Variants in VPS11 observed in about 807,000 individuals in gnomAD.
VPS11 encodes VPS11 core subunit of CORVET and HOPS complexes, also known as vacuolar protein sorting-associated protein 11 homolog.
In VPS11, 51 loss-of-function variants were observed where a neutral mutation model predicts 106.8. That is an observed-to-expected ratio of 0.48 (90% CI 0.38 to 0.60). The LOEUF (loss-of-function observed/expected upper bound fraction) is 0.60, where lower values mean the gene tolerates loss of function less well. Among genes scored for constraint, VPS11 ranks in the 20% least tolerant of loss-of-function variants. The probability of loss-of-function intolerance (pLI) is 0.00; values close to 1 mark genes in which losing one functional copy is unlikely to be tolerated. For missense variants in VPS11, 950 were observed against 1,190.0 expected (o/e 0.80, Z 2.97); for synonymous variants, 453 against 458.7 (o/e 0.99, Z 0.16).
At chr11:119,080,974 C>A in intron 14 of VPS11, 118 bp from the exon 15 acceptor site, 2 of 843,060 alleles carry the variant, frequency 2.4e-6, no homozygotes, top group African/African-American at 1.7e-5. Flanking sequence ...CAGGGCAGGG[C>A]CTTCAGGGGC....
At chr11:119,078,133 C>A in intron 10 of VPS11, 40 bp from the exon 11 acceptor site, 1 of 1,610,314 alleles carries the variant, frequency 6.2e-7, no homozygotes, top group Non-Finnish European at 8.5e-7. Context: ...TATATCACGC[C>A]CACTCATTCA....
Position 119,078,870 on chromosome 11 carries a change from G to A in VPS11, c.2139G>A (p.Gly713=). The change falls in exon 13 of 16, where the codon GGG becomes GGA. Residue 713 remains glycine, a synonymous_variant. Coordinates refer to ENST00000621676, the MANE Select transcript of VPS11 (RefSeq NM_021729.6). The part of the protein sequence containing the change: ...RQVISVCERH[G]EQDPSLWEQA... ...TCATCAGCGTGTGTGAGCGCCATGG[G>A]GAGCAGGACCCCTCCTTGTGGGAGC... The A allele has an allele frequency of 6.2e-7, 1 of 1,614,024 alleles. No homozygotes were observed. The highest frequency in any genetic ancestry group is 8.5e-7 in the Non-Finnish European group (1 of 1,179,896).
intron 4 of VPS11, 61 bp from the exon 5 acceptor site, chr11:119,071,535 T>C: frequency 1.9e-6 from 3 of 1,582,898 alleles, no homozygotes; most frequent in Non-Finnish European, 2.6e-6. Flanking sequence ...GGAATACCTT[T>C]GTGAAGGCTT....
In VPS11 at chr11:119,078,620, G is replaced by A. The variant is rs781800245; in HGVS notation, c.1979G>A (p.Cys660Tyr). ...AISLLKSGRFCDVFDKALVLC... is the reference protein window; with the variant it reads ...AISLLKSGRFYDVFDKALVLC... ...TCCCTGCTGAAGAGTGGTCGCTTCT[G>A]CGACGTCTTTGACAAGGCCCTGGTC... Residue 660 changes from cysteine to tyrosine, a missense_variant, in exon 12 of 16, where the codon TGC becomes TAC. This residue lies in a region of VPS11 where 453 missense variants were observed against 514.6 expected (regional missense o/e 0.88). Coordinates refer to ENST00000621676, the MANE Select transcript of VPS11 (RefSeq NM_021729.6). 2 of 1,613,906 alleles carry A rather than the reference G, an allele frequency of 1.2e-6. No individual in the cohort carries two copies. Among genetic ancestry groups the A allele is most frequent in the East Asian group, 2.2e-5 (1 of 44,876 alleles).
chr11:119,076,419 A>G (rs966351779), intron 7 of VPS11, among the ~76,000 whole-genome samples: 3 of 149,400 alleles, frequency 2.0e-5, no homozygotes, highest in Non-Finnish European at 4.5e-5. Flanking sequence ...CCAGCTACTC[A>G]GGAGGCTGAG....
intron 4 of VPS11, among the ~76,000 whole-genome samples, chr11:119,071,230 A>G (rs557124939): frequency 8.5e-5 from 13 of 152,048 alleles, no homozygotes; most frequent in South Asian, 2.1e-4. Context: ...GCACCGGCCT[A>G]TTTTCTAACT....
chr11:119,081,124 T>G lies in VPS11; in HGVS notation c.2471T>G (p.Ile824Ser). The G allele has an allele frequency of 6.2e-7, 1 of 1,614,056 alleles. No individual in the cohort carries two copies. The highest frequency in any genetic ancestry group is 8.5e-7 in the Non-Finnish European group (1 of 1,179,902). The change falls in exon 15 of 16, where the codon ATC (isoleucine) becomes AGC (serine). Residue 824 changes from isoleucine to serine, a missense_variant. Transcript: ENST00000621676. ...ATTTTCCAAAAGACCAAGTGCAGCA[T>G]CTGTAACAGTGCCTTGGAGTTGCCC... ...PKIFQKTKCS[I>S]CNSALELPSV... is the part of the protein sequence containing the mutation.
chr11:119,078,168 C>G lies in VPS11; in HGVS notation c.1762-5C>G. 3.1e-6 allele frequency: 5 copies of G among 1,612,726 alleles called. No individual in the cohort carries two copies. The highest frequency in any genetic ancestry group is 4.2e-6 in the Non-Finnish European group (5 of 1,179,848). Reference sequence around the variant, plus strand: ...AGCCTCCTTTTTCCTCTCTTGCCATCCTAGGCCAACTCTGAGGAGTTCATC... The same window carrying G: ...AGCCTCCTTTTTCCTCTCTTGCCATGCTAGGCCAACTCTGAGGAGTTCATC... On this transcript the variant is annotated splice_region_variant and splice_polypyrimidine_tract_variant and intron_variant, in intron 10 of 15. Transcript: ENST00000621676.
intron 15 of VPS11, 43 bp from the exon 16 acceptor site, chr11:119,081,416 C>CTTTGA: frequency 1.9e-6 from 3 of 1,613,212 alleles, no homozygotes; most frequent in Non-Finnish European, 2.5e-6. Context: ...GAAACAAGCA[C>CTTTGA]TTTGATTCTG....
intron 4 of VPS11, 87 bp downstream of exon 4, chr11:119,070,484 G>A: frequency 3.0e-6 from 4 of 1,332,348 alleles, no homozygotes; most frequent in Non-Finnish European, 4.0e-6. Flanking sequence ...GACAGGAAAG[G>A]TGGGAGTGTT....
Position 119,067,934 on chromosome 11 carries a change from C to T in VPS11, c.111C>T (p.Ser37=), listed in dbSNP as rs2133639775. 4.6e-5 allele frequency: 74 copies of T among 1,612,150 alleles called. 1 individual carries two copies. In the Admixed American group the frequency reaches 7.9e-4, roughly 17 times the overall value. The change falls in exon 1 of 16, where the codon TCC becomes TCT. Residue 37 remains serine, a synonymous_variant. Coordinates refer to ENST00000621676, the MANE Select transcript of VPS11 (RefSeq NM_021729.6). ...CCGGGGCCACACCTGCTTCTGGATCCGCTGCTTCCAAGTTCCTTTGCCTCC... is the reference window on the plus strand; with the variant it reads ...CCGGGGCCACACCTGCTTCTGGATCTGCTGCTTCCAAGTTCCTTTGCCTCC... ...AAPGATPASG[S]AASKFLCLPP...
chr11:119,071,627 G>T lies in VPS11; in HGVS notation c.668G>T (p.Arg223Leu), dbSNP rs200201798. The T allele has an allele frequency of 1.2e-6, 2 of 1,613,954 alleles. No individual in the cohort carries two copies. The highest frequency in any genetic ancestry group is 1.7e-5 in the Admixed American group (1 of 60,006). ...ATAGTTTCTGGAAAAGACTACCCTC[G>T]CGTGGAGTTGGACACCCATGGTTGT... ...SYIVSGKDYP[R>L]VELDTHGCGL... is the part of the protein sequence containing the mutation. The change falls in exon 5 of 16, where the codon CGC (arginine) becomes CTC (leucine). Residue 223 changes from arginine (R) to leucine (L), a missense_variant. Around this residue, in one of 3 missense-constraint regions of VPS11, gnomAD observed 435 missense variants for 630.2 expected, o/e 0.69. Transcript: ENST00000621676.
At chr11:119,069,929 C>T (rs1356022382) in intron 3 of VPS11, among the ~76,000 whole-genome samples, 2 of 151,768 alleles carry the variant, frequency 1.3e-5, no homozygotes, top group Non-Finnish European at 2.9e-5. Flanking sequence ...ACCTGGGAGG[C>T]GGAGTTTGCA....
chr11:119,073,245 T>G lies in VPS11; in HGVS notation c.932T>G (p.Leu311Arg). The G allele has an allele frequency of 6.2e-7, 1 of 1,613,904 alleles. No individual in the cohort carries two copies. ...RDSQSSDKQI[L>R]NIYDLCNKFI... ...TCACAGAGCTCCGACAAGCAGATTC[T>G]AAACATCTATGACCTGTGCAACAAG... Residue 311 changes from leucine (L) to arginine (R), a missense_variant, in exon 6 of 16, where the codon CTA (leucine) becomes CGA (arginine). Around this residue, in one of 3 missense-constraint regions of VPS11, gnomAD observed 435 missense variants for 630.2 expected, o/e 0.69. Coordinates refer to ENST00000621676, the MANE Select transcript of VPS11 (RefSeq NM_021729.6).
intron 5 of VPS11, chr11:119,072,165 C>T: frequency 3.7e-6 from 1 of 270,284 alleles, no homozygotes; most frequent in South Asian, 4.2e-5. Flanking sequence ...GAGGTTTCAC[C>T]ATGTTGGCCA....
chr11:119,068,443 CCTTTTTTTTTTTT>C (rs1945211431), intron 1 of VPS11, among the ~76,000 whole-genome samples: 1 of 35,796 alleles, frequency 2.8e-5, no homozygotes, highest in African/African-American at 5.8e-5. Context: ...GGCCTTTTTA[CCTTTTTTTTTTTT>C]TTTTTTTTTT....
rs1592194588 is a variant in VPS11 at position 119,076,972 on chromosome 11, C to T, written c.1314C>T (p.Ala438=). ...LDAQRIHNLT[A]YLQTLHRQSL... ...CCCAGCGCATTCACAACCTGACTGC[C>T]TACCTGCAGACCCTGCACCGACAAT... The change falls in exon 8 of 16, where the codon GCC becomes GCT. Residue 438 remains alanine (A), a synonymous_variant. Coordinates refer to ENST00000621676, the MANE Select transcript of VPS11 (RefSeq NM_021729.6). 1.9e-6 allele frequency: 3 copies of T among 1,613,852 alleles called. No individual in the cohort carries two copies. In the African/African-American group the frequency reaches 4.0e-5, roughly 22 times the overall value.
At chr11:119,071,338 G>A (rs1784305) in intron 4 of VPS11, among the ~76,000 whole-genome samples, 69,713 of 152,058 alleles carry the variant, frequency 0.46, 17,466 homozygotes, top group African/African-American at 0.66. Flanking sequence ...TCTTGATAAA[G>A]TAGTAGATTA....
At chr11:119,076,354 C>G (rs950751991) in intron 7 of VPS11, among the ~76,000 whole-genome samples, 15 of 152,048 alleles carry the variant, frequency 9.9e-5, no homozygotes, top group African/African-American at 3.6e-4. Context: ...TGGAGAAACC[C>G]TGCCTCTACT....
Sources: gnomAD v4.1 joint callset for allele counts (sites outside exome capture counted in the v4.1 genomes callset) on GRCh38, gnomAD v4.1.1 for gene constraint, gnomAD v4.1.1 regional missense constraint, MANE v1.5 for transcripts, NCBI Gene and HGNC (gene_info 2026-07-23, HGNC 2026-07-21) for gene names.